SH3BGRL2: variants seen among roughly 807,000 people sequenced by gnomAD.
SH3BGRL2 encodes the protein SH3 domain binding glutamate rich protein like 2.
A neutral mutation model predicts 14.8 loss-of-function variants in SH3BGRL2; 21 were observed. The observed-to-expected ratio is 1.42, with a 90% CI of 1.01 to 2.05. The LOEUF (loss-of-function observed/expected upper bound fraction) is 2.05. Among genes scored for constraint, SH3BGRL2 ranks in the 30% most tolerant of loss-of-function variants. SH3BGRL2 has a pLI of 0.00. For missense variants in SH3BGRL2, 147 were observed against 130.8 expected, an observed-to-expected ratio of 1.12 and a Z score of -0.61; for synonymous variants, 50 against 47.8, an observed-to-expected ratio of 1.05 and a Z score of -0.19.
At chr6:79,555,571 C>T in the SH3BGRL2 span, among the ~76,000 whole-genome samples, 2 of 152,166 alleles carry the variant, frequency 1.3e-5, no homozygotes, top group East Asian at 1.9e-4. Context: ...AGTGCAGTAG[C>T]GTGATCTCGG....
chr6:79,556,053 A>T, the SH3BGRL2 span, among the ~76,000 whole-genome samples: 1 of 150,716 alleles, frequency 6.6e-6, no homozygotes, highest in Non-Finnish European at 1.5e-5. Context: ...CATCAAACAC[A>T]TAGCAAGTGA....
chr6:79,595,456 A>G, the SH3BGRL2 span, among the ~76,000 whole-genome samples: 1 of 152,264 alleles, frequency 6.6e-6, no homozygotes, highest in Admixed American at 6.5e-5. Flanking sequence ...AATCCAGTAG[A>G]AAATGGGCAA....
chr6:79,595,141 C>G, the SH3BGRL2 span, among the ~76,000 whole-genome samples: 1 of 152,202 alleles, frequency 6.6e-6, no homozygotes, highest in African/African-American at 2.4e-5. Flanking sequence ...CAAAAATTAG[C>G]TGGGCATAGC....
At chr6:79,637,475 G>C (rs1264875118) in intron 1 of SH3BGRL2, among the ~76,000 whole-genome samples, 1 of 151,964 alleles carries the variant, frequency 6.6e-6, no homozygotes, top group East Asian at 1.9e-4. Context: ...GGTGGATCAC[G>C]AGGTCAGGAG....
At chr6:79,643,193 A>C (rs566534082) in intron 1 of SH3BGRL2, among the ~76,000 whole-genome samples, 5 of 152,232 alleles carry the variant, frequency 3.3e-5, no homozygotes, top group Non-Finnish European at 7.3e-5. Context: ...AGGGTAATTA[A>C]GTAGCATGTC....
chr6:79,602,087 A>G, the SH3BGRL2 span, among the ~76,000 whole-genome samples: 1 of 152,236 alleles, frequency 6.6e-6, no homozygotes, highest in African/African-American at 2.4e-5. Flanking sequence ...ATTTTGCAAC[A>G]AAAGTCTAAA....
chr6:79,625,247 TAC>T, the SH3BGRL2 span, among the ~76,000 whole-genome samples: 32 of 150,324 alleles, frequency 2.1e-4, no homozygotes, highest in East Asian at 2.3e-3. Context: ...CATATATATA[TAC>T]ACACACACAC....
At chr6:79,668,071 A>G (rs1769697225) in intron 1 of SH3BGRL2, among the ~76,000 whole-genome samples, 1 of 152,128 alleles carries the variant, frequency 6.6e-6, no homozygotes, top group Admixed American at 6.5e-5. Flanking sequence ...AGTGAGTCCC[A>G]TGGTGCAGCA....
At chr6:79,602,887 T>C in the SH3BGRL2 span, among the ~76,000 whole-genome samples, 1 of 152,200 alleles carries the variant, frequency 6.6e-6, no homozygotes, top group Non-Finnish European at 1.5e-5. Flanking sequence ...AAGAAAGTTA[T>C]CTGAAATGTC....
chr6:79,670,134 T>C (rs1339364443), intron 1 of SH3BGRL2, among the ~76,000 whole-genome samples: 1 of 152,244 alleles, frequency 6.6e-6, no homozygotes, highest in Non-Finnish European at 1.5e-5. Flanking sequence ...TGGACACTGG[T>C]GTTTATATTT....
intron 1 of SH3BGRL2, among the ~76,000 whole-genome samples, chr6:79,669,598 C>T (rs1769731802): frequency 6.6e-6 from 1 of 151,838 alleles, no homozygotes; most frequent in Admixed American, 6.6e-5. Context: ...GCATGCACCA[C>T]CACGCCTGGC....
At chr6:79,666,058 T>G (rs2127730986) in intron 1 of SH3BGRL2, among the ~76,000 whole-genome samples, 1 of 152,330 alleles carries the variant, frequency 6.6e-6, no homozygotes, top group East Asian at 1.9e-4. Context: ...CAATGAGGCG[T>G]ACTGCTGAGG....
the SH3BGRL2 span, among the ~76,000 whole-genome samples, chr6:79,594,142 ATAT>A: frequency 2.0e-5 from 3 of 152,146 alleles, no homozygotes; most frequent in African/African-American, 7.2e-5. Context: ...GAAATAATAA[ATAT>A]TATAATTTAA....
At chr6:79,664,339 A>G (rs201595600) in intron 1 of SH3BGRL2, among the ~76,000 whole-genome samples, 1 of 152,204 alleles carries the variant, frequency 6.6e-6, no homozygotes, top group East Asian at 1.9e-4. Context: ...CTCTTTTTGC[A>G]TGCCAGGCAC....
At chr6:79,681,810 A>G (rs890347370) in intron 2 of SH3BGRL2, among the ~76,000 whole-genome samples, 1 of 152,094 alleles carries the variant, frequency 6.6e-6, no homozygotes, top group African/African-American at 2.4e-5. Flanking sequence ...TCCGATCCAT[A>G]TATAAGATTT....
chr6:79,554,744 C>T, the SH3BGRL2 span, among the ~76,000 whole-genome samples: 6 of 152,180 alleles, frequency 3.9e-5, no homozygotes, highest in South Asian at 2.1e-4. Context: ...AAAATTGGTA[C>T]GAGTTACTTA....
At chr6:79,687,306 TC>T (rs1770116157) in intron 2 of SH3BGRL2, among the ~76,000 whole-genome samples, 1 of 152,176 alleles carries the variant, frequency 6.6e-6, no homozygotes, top group East Asian at 1.9e-4. Flanking sequence ...TCTGGGTATT[TC>T]TTAAAATTTT....
chr6:79,680,608 C>G (rs183070643), intron 2 of SH3BGRL2, among the ~76,000 whole-genome samples: 4 of 151,970 alleles, frequency 2.6e-5, no homozygotes, highest in African/African-American at 9.7e-5. Flanking sequence ...TCTATTTCTG[C>G]AAAAACTGCT....
chr6:79,668,033 A>C (rs1769695350), intron 1 of SH3BGRL2, among the ~76,000 whole-genome samples: 1 of 151,970 alleles, frequency 6.6e-6, no homozygotes, highest in Non-Finnish European at 1.5e-5. Flanking sequence ...TTTATTTCCT[A>C]GTGAGTCCCA....
Sources: gnomAD v4.1 joint callset for allele counts (sites outside exome capture counted in the v4.1 genomes callset) on GRCh38, gnomAD v4.1.1 for gene constraint, MANE v1.5 for transcripts, NCBI Gene and HGNC (gene_info 2026-07-23, HGNC 2026-07-21) for gene names.